Variants in MROH2B observed in about 807,000 individuals in gnomAD.
The protein encoded by MROH2B is maestro heat like repeat family member 2B.
Under a neutral mutation model 208.6 loss-of-function variants are expected in MROH2B, and 177 were observed. That is an observed-to-expected ratio of 0.85 (90% CI 0.75 to 0.96). The LOEUF (loss-of-function observed/expected upper bound fraction) is 0.96. MROH2B is among the 40% of genes least tolerant of loss of function. MROH2B has a pLI of 0.00. For missense variants in MROH2B, 2,002 were observed against 1,878.7 expected (o/e 1.07, Z -1.21); for synonymous variants, 728 against 659.0 (o/e 1.10, Z -1.60).
intron 24 of MROH2B, among the ~76,000 whole-genome samples, chr5:41,026,163 A>G (rs1270633399): frequency 6.6e-6 from 1 of 152,192 alleles, no homozygotes; most frequent in East Asian, 1.9e-4. Flanking sequence ...CCTATTCAAC[A>G]TAGTGTTGGA....
intron 5 of MROH2B, among the ~76,000 whole-genome samples, chr5:41,062,082 C>G (rs1220407261): frequency 6.7e-6 from 1 of 148,794 alleles, no homozygotes; most frequent in Admixed American, 6.6e-5. Context: ...TCCATTTGAC[C>G]CAACTATTCC....
At chr5:41,038,704 A>G (rs749825840) in intron 21 of MROH2B, 32 bp downstream of exon 21, 1 of 1,570,634 alleles carries the variant, frequency 6.4e-7, no homozygotes, top group South Asian at 1.2e-5. Flanking sequence ...ACCCCAGCCT[A>G]GAAATGGAGG....
chr5:41,024,581 T>C (rs1278728174), intron 24 of MROH2B, among the ~76,000 whole-genome samples: 3 of 152,068 alleles, frequency 2.0e-5, no homozygotes, highest in Non-Finnish European at 4.4e-5. Flanking sequence ...CACACAATAA[T>C]AATGGGAGAC....
chr5:41,050,252 GTAAAAGT>G (rs1161140859), intron 13 of MROH2B, among the ~76,000 whole-genome samples: 1 of 152,126 alleles, frequency 6.6e-6, no homozygotes, highest in East Asian at 1.9e-4. Context: ...CAACCATAAG[GTAAAAGT>G]TTGGCATTCC....
At chr5:40,998,791 G>T in intron 40 of MROH2B, 114 bp from the exon 41 acceptor site, 1 of 815,002 alleles carries the variant, frequency 1.2e-6, no homozygotes, top group Non-Finnish European at 2.0e-6. Flanking sequence ...GCTGGTGAAT[G>T]AGCAAACTAT....
intron 30 of MROH2B, among the ~76,000 whole-genome samples, chr5:41,010,696 CA>C (rs1466361440): frequency 2.6e-5 from 4 of 152,158 alleles, no homozygotes; most frequent in African/African-American, 9.7e-5. Context: ...CTGGTGGATA[CA>C]TGTCATTATA....
intron 24 of MROH2B, among the ~76,000 whole-genome samples, chr5:41,020,879 C>G (rs760283671): frequency 3.3e-5 from 5 of 152,064 alleles, no homozygotes; most frequent in Non-Finnish European, 4.4e-5. Context: ...CCTGTAAGAT[C>G]AAGAGTAAGA....
intron 6 of MROH2B, among the ~76,000 whole-genome samples, chr5:41,060,196 C>T (rs573561916): frequency 4.6e-5 from 7 of 152,264 alleles, no homozygotes; most frequent in Middle Eastern, 3.4e-3. Flanking sequence ...ATCAGTTCCA[C>T]GAACACTATG....
intron 27 of MROH2B, 150 bp downstream of exon 27, chr5:41,018,191 C>T: frequency 1.0e-6 from 1 of 962,148 alleles, no homozygotes; most frequent in East Asian, 2.6e-5. Flanking sequence ...GAGCTGCACT[C>T]TGAAGTTAGA....
chr5:41,060,284 C>T (rs940810095), intron 6 of MROH2B, among the ~76,000 whole-genome samples: 1 of 152,152 alleles, frequency 6.6e-6, no homozygotes, highest in African/African-American at 2.4e-5. Flanking sequence ...TAGTCCACCC[C>T]ATACCCCTCT....
At chr5:41,017,709 A>G in intron 28 of MROH2B, 141 bp downstream of exon 28, 3 of 865,766 alleles carry the variant, frequency 3.5e-6, no homozygotes, top group Middle Eastern at 3.6e-4. Context: ...GGGAGAGGAG[A>G]GGAGAAAAGG....
At chr5:41,044,224 T>C (rs1323034751) in intron 18 of MROH2B, among the ~76,000 whole-genome samples, 2 of 143,654 alleles carry the variant, frequency 1.4e-5, no homozygotes, top group Non-Finnish European at 3.0e-5. Context: ...CACTCCAGCC[T>C]GGGTGACAGA....
intron 37 of MROH2B, among the ~76,000 whole-genome samples, chr5:41,002,283 G>T (rs1741421721): frequency 6.6e-6 from 1 of 152,146 alleles, no homozygotes; most frequent in African/African-American, 2.4e-5. Context: ...TGGGTGCTGG[G>T]AGAAATATTA....
chr5:41,049,066 A>C (rs755389864), intron 15 of MROH2B, 35 bp downstream of exon 15: 15 of 1,568,894 alleles, frequency 9.6e-6, no homozygotes, highest in Non-Finnish European at 1.3e-5. Context: ...ATCAGCTTAA[A>C]TTTGTTCTAC....
In MROH2B at chr5:41,008,600, G is replaced by A. The variant is rs375559566; in HGVS notation, c.3608+6C>T. The A allele has an allele frequency of 1.2e-4, 195 of 1,612,932 alleles. 1 individual carries two copies. The highest frequency in any genetic ancestry group is 4.1e-4 in the South Asian group (37 of 90,990). On this transcript the variant is annotated splice_donor_region_variant and intron_variant, in intron 33 of 41. Transcript: ENST00000399564. ...TGTGGAAGATGCTTCCTGATTGGCCGTTTACCTGCAGGGGTCTGGGATCTG... is the reference window on the plus strand; with the variant it reads ...TGTGGAAGATGCTTCCTGATTGGCCATTTACCTGCAGGGGTCTGGGATCTG...
At chr5:41,065,285 G>A (rs968526645) in intron 4 of MROH2B, 46 bp downstream of exon 4, 3 of 1,551,184 alleles carry the variant, frequency 1.9e-6, no homozygotes, top group Non-Finnish European at 2.6e-6. Context: ...TAGACAATTA[G>A]AAGTTGTCAT....
intron 21 of MROH2B, among the ~76,000 whole-genome samples, chr5:41,035,605 C>T (rs1301225968): frequency 6.6e-6 from 1 of 152,004 alleles, no homozygotes; most frequent in Non-Finnish European, 1.5e-5. Context: ...CTATAAGGAA[C>T]TTCAACAAAT....
intron 33 of MROH2B, among the ~76,000 whole-genome samples, chr5:41,007,899 A>G (rs1741646578): frequency 6.6e-6 from 1 of 152,216 alleles, no homozygotes; most frequent in Non-Finnish European, 1.5e-5. Flanking sequence ...TCATTTTAGT[A>G]AAGTTACACG....
rs10689623 is a variant in MROH2B at position 41,016,498 on chromosome 5, GTTTTTTT to G, written c.2885-1027_2885-1021del. Among the ~76,000 whole-genome samples, 18 of 80,796 alleles carry G rather than the reference GTTTTTTT, an allele frequency of 2.2e-4. No homozygotes were observed. In the East Asian group the frequency reaches 4.3e-3, roughly 19 times the overall value. The allele number at this position is 80,796 out of a possible 152,430, so 53.0% of individuals were successfully genotyped here. ...GGCATATTTCTGTTACTACTGTAAT[GTTTTTTT>G]TTTTTTTTTTTTTTTTTGAGACAGT... On this transcript the variant is annotated intron_variant, in intron 28 of 41. Transcript: ENST00000399564.
Sources: allele counts gnomAD v4.1 joint callset (sites outside exome capture counted in the v4.1 genomes callset), GRCh38; gene constraint gnomAD v4.1.1; transcripts MANE v1.5; gene names NCBI Gene and HGNC (gene_info 2026-07-23, HGNC 2026-07-21).